Variants in AFF3 observed in about 807,000 individuals in gnomAD.
AFF3 encodes AF4/FMR2 family member 3.
AFF3 carries 32 observed loss-of-function variants against 129.7 expected under a neutral mutation model. That is an observed-to-expected ratio of 0.25 (90% CI 0.19 to 0.33). The LOEUF (loss-of-function observed/expected upper bound fraction) is 0.33. Among genes scored for constraint, AFF3 ranks in the 10% least tolerant of loss-of-function variants. The pLI is 1.00. For synonymous variants in AFF3, 644 were observed against 635.4 expected, an observed-to-expected ratio of 1.01 and a Z score of -0.20; for missense variants, 1,373 against 1,592.0, an observed-to-expected ratio of 0.86 and a Z score of 2.34.
At chr2:99,862,036 A>G (rs1691037665) in intron 7 of AFF3, among the ~76,000 whole-genome samples, 1 of 151,906 alleles carries the variant, frequency 6.6e-6, no homozygotes, top group African/African-American at 2.4e-5. Context: ...TAGTCTCCAC[A>G]TTGGCCAAAC....
chr2:99,939,911 C>A (rs1473104842), intron 7 of AFF3, among the ~76,000 whole-genome samples: 1 of 152,148 alleles, frequency 6.6e-6, no homozygotes. Flanking sequence ...GTCTTGCTCT[C>A]AATGATGGGT....
intron 8 of AFF3, among the ~76,000 whole-genome samples, chr2:99,790,958 C>T (rs1185713533): frequency 1.3e-5 from 2 of 152,230 alleles, no homozygotes; most frequent in African/African-American, 4.8e-5. Flanking sequence ...GAATGGAACG[C>T]TTCTCAGCAA....
At chr2:99,819,436 C>G (rs1687479325) in intron 8 of AFF3, among the ~76,000 whole-genome samples, 1 of 152,152 alleles carries the variant, frequency 6.6e-6, no homozygotes, top group Non-Finnish European at 1.5e-5. Context: ...GCTAATGAAT[C>G]TGGAAATATT....
intron 8 of AFF3, among the ~76,000 whole-genome samples, chr2:99,828,202 G>A (rs1688242027): frequency 6.6e-6 from 1 of 152,130 alleles, no homozygotes; most frequent in South Asian, 2.1e-4. Context: ...GTTCCTGAGG[G>A]GGTTGATAAA....
intron 17 of AFF3, among the ~76,000 whole-genome samples, chr2:99,578,657 A>T (rs1325811053): frequency 6.6e-6 from 1 of 152,194 alleles, no homozygotes; most frequent in African/African-American, 2.4e-5. Flanking sequence ...CTCAACTGTC[A>T]TTCTTATGAC....
At position 99,601,445 on chromosome 2, in the gene AFF3, G is replaced by C; in HGVS notation, c.1361C>G (p.Ser454Cys). The change falls in exon 14 of 25, where the codon TCC becomes TGC. Residue 454 changes from serine to cysteine, a missense_variant. Ser to Cys is a moderately radical substitution (Grantham distance 112, BLOSUM62 -1). Coordinates refer to ENST00000672756, the MANE Select transcript of AFF3 (RefSeq NM_001386135.1). ...ESEGSKPPHF[S>C]SPEAEPASSN... ...CCAGGCAGCGCTTACCTCGGGGCTG[G>C]AGAAGTGGGGGGGCTTGCTGCCCTC... 1 of 1,606,606 alleles carries C rather than the reference G, an allele frequency of 6.2e-7. No homozygotes were observed.
intron 8 of AFF3, among the ~76,000 whole-genome samples, chr2:99,815,455 T>A (rs981442501): frequency 1.8e-4 from 28 of 152,242 alleles, no homozygotes; most frequent in African/African-American, 2.7e-4. Context: ...TCCCGGCTCC[T>A]GCCTTTGGCA....
chr2:99,594,177 T>A lies in AFF3; in HGVS notation c.1484A>T (p.Gln495Leu), dbSNP rs535617304. Residue 495 changes from glutamine (Q) to leucine (L), a missense_variant, in exon 15 of 25, where the codon CAG (glutamine) becomes CTG (leucine). Gln to Leu is a moderately radical substitution (Grantham distance 113). Around this residue, in one of 9 missense-constraint regions of AFF3, gnomAD observed 413 missense variants for 424.4 expected, o/e 0.97. Transcript: ENST00000672756. Reference sequence around the variant, plus strand: ...GTCCTCTTTCACCGGGTTGTAGTACTGATTGCTCTCTGACCCGTGGCTTTC... The same window carrying A: ...GTCCTCTTTCACCGGGTTGTAGTACAGATTGCTCTCTGACCCGTGGCTTTC... ...QNESHGSESNQYYNPVKEDVQ... is the reference protein window; with the variant it reads ...QNESHGSESNLYYNPVKEDVQ... 3.1e-6 allele frequency: 5 copies of A among 1,614,182 alleles called. No homozygotes were observed. The African/African-American group carries it at 6.7e-5, about 22-fold the overall frequency.
chr2:99,646,833 A>G (rs962888572), intron 13 of AFF3, among the ~76,000 whole-genome samples: 1 of 152,272 alleles, frequency 6.6e-6, no homozygotes, highest in Non-Finnish European at 1.5e-5. Flanking sequence ...TATGAATGCA[A>G]TTAATTCAGC....
intron 15 of AFF3, 136 bp downstream of exon 15, chr2:99,593,059 G>A (rs1678876827): frequency 3.2e-6 from 3 of 928,964 alleles, no homozygotes; most frequent in Non-Finnish European, 4.7e-6. Flanking sequence ...TGTGTGTTAG[G>A]TAAGGACACA....
At chr2:99,688,604 C>T (rs777995480) in intron 11 of AFF3, among the ~76,000 whole-genome samples, 46 of 152,240 alleles carry the variant, frequency 3.0e-4, no homozygotes, top group African/African-American at 8.9e-4. Context: ...CTCTGATTCT[C>T]GAGGCGCTCT....
intron 4 of AFF3, among the ~76,000 whole-genome samples, chr2:100,039,603 G>A (rs1685258665): frequency 6.6e-6 from 1 of 151,984 alleles, no homozygotes. Flanking sequence ...GACCTAGCCT[G>A]TCTCCCTTAT....
At position 99,670,329 on chromosome 2, in the gene AFF3, C is replaced by T. The variant is rs555873428; in HGVS notation, c.1143+2209G>A. Among the ~76,000 whole-genome samples, 23 of 152,288 alleles carry T rather than the reference C, an allele frequency of 1.5e-4. No individual in the cohort carries two copies. In the East Asian group the frequency reaches 4.4e-3, roughly 29 times the overall value. ...TAGACACCTCTTTATTACAGTGGCA[C>T]ATGGGCTGGTTGAACCAATATTCAC... On this transcript the variant is annotated intron_variant, in intron 12 of 24. Coordinates refer to ENST00000672756, the MANE Select transcript of AFF3 (RefSeq NM_001386135.1).
At chr2:100,030,226 T>C (rs1204629671) in intron 4 of AFF3, among the ~76,000 whole-genome samples, 4 of 152,192 alleles carry the variant, frequency 2.6e-5, no homozygotes, top group African/African-American at 9.7e-5. Context: ...TAAAACACCA[T>C]GTAATTTTCC....
At chr2:99,616,741 G>A (rs1254587290) in intron 13 of AFF3, among the ~76,000 whole-genome samples, 1 of 152,110 alleles carries the variant, frequency 6.6e-6, no homozygotes, top group Non-Finnish European at 1.5e-5. Flanking sequence ...GGGTGACAGA[G>A]TGAGACTGTC....
chr2:99,695,230 G>A (rs766491812), intron 11 of AFF3, among the ~76,000 whole-genome samples: 12 of 152,158 alleles, frequency 7.9e-5, no homozygotes, highest in African/African-American at 1.4e-4. Flanking sequence ...TTTGACAGCC[G>A]CGTGTGCCTG....
intron 7 of AFF3, among the ~76,000 whole-genome samples, chr2:99,870,570 G>C (rs1204667048): frequency 2.6e-5 from 4 of 152,170 alleles, no homozygotes; most frequent in African/African-American, 9.7e-5. Flanking sequence ...CTACTTCCTA[G>C]ATAAGGAGGT....
At chr2:99,840,308 G>A (rs1689222785) in intron 7 of AFF3, among the ~76,000 whole-genome samples, 1 of 152,062 alleles carries the variant, frequency 6.6e-6, no homozygotes, top group Non-Finnish European at 1.5e-5. Flanking sequence ...GACAGTTTTA[G>A]CTCTTTTGTA....
intron 8 of AFF3, among the ~76,000 whole-genome samples, chr2:99,765,374 T>C (rs1483817419): frequency 6.6e-6 from 1 of 152,152 alleles, no homozygotes; most frequent in Non-Finnish European, 1.5e-5. Flanking sequence ...CACAGACAAT[T>C]TGGAAATGTG....
Sources: allele counts gnomAD v4.1 joint callset (sites outside exome capture counted in the v4.1 genomes callset), GRCh38; gene constraint gnomAD v4.1.1; regional missense constraint gnomAD v4.1.1; transcripts MANE v1.5; gene names NCBI Gene and HGNC (gene_info 2026-07-23, HGNC 2026-07-21).